The following TMEM108 variants were observed in gnomAD, a reference collection of about 807,000 sequenced individuals.
TMEM108 encodes cancer/testis antigen 124.
A neutral mutation model predicts 35.1 loss-of-function variants in TMEM108; 12 were observed. The observed-to-expected ratio is 0.34, with a 90% CI of 0.22 to 0.55. The LOEUF (loss-of-function observed/expected upper bound fraction) is 0.55. Among genes scored for constraint, TMEM108 ranks in the 20% least tolerant of loss-of-function variants. The probability of loss-of-function intolerance (pLI) is 0.89; values close to 1 mark genes in which losing one functional copy is unlikely to be tolerated. For missense variants in TMEM108, 680 were observed against 753.3 expected, an observed-to-expected ratio of 0.90 and a Z score of 1.14; for synonymous variants, 287 against 308.6, an observed-to-expected ratio of 0.93 and a Z score of 0.73.
At position 133,097,611 on chromosome 3, in the gene TMEM108, T is replaced by C. The variant is rs575655435; in HGVS notation, c.-47+51591T>C. On this transcript the variant is annotated intron_variant, in intron 2 of 5. Transcript: ENST00000321871. Reference sequence around the variant, plus strand: ...AACATTAGAAAATTATCTGTTATTATAGTAATATCTGTTATATTGACTACT... The same window carrying C: ...AACATTAGAAAATTATCTGTTATTACAGTAATATCTGTTATATTGACTACT... Among the ~76,000 whole-genome samples the C allele has an allele frequency of 1.8e-3, 275 of 152,348 alleles. 1 individual carries two copies. The highest frequency in any genetic ancestry group is 3.2e-3 in the Non-Finnish European group (216 of 68,028).
intron 1 of TMEM108, among the ~76,000 whole-genome samples, chr3:133,041,343 C>A (rs1177391357): frequency 6.6e-6 from 1 of 152,116 alleles, no homozygotes; most frequent in East Asian, 1.9e-4. Flanking sequence ...ATCTAGGCTG[C>A]CGTTCCTTCA....
At position 133,387,209 on chromosome 3, in the gene TMEM108, G is replaced by C. The variant is rs116473020; in HGVS notation, c.1451-2971G>C. The C allele has an allele frequency of 4.8e-3, 4,710 of 985,426 alleles. 103 individuals are homozygous for C. The African/African-American group carries it at 0.055, about 11-fold the overall frequency. The allele number at this position is 985,426 out of a possible 1,614,324, so 61.0% of individuals were successfully genotyped here. A position where few individuals can be genotyped will look rare whatever the true frequency, so the allele number is the denominator to read the frequency against. On this transcript the variant is annotated intron_variant, in intron 4 of 5. Transcript: ENST00000321871. ...TAATTAAGCATCCATTGTGTGTCAG[G>C]CATTGTGTTTGGCATTTTGCATCCA...
intron 4 of TMEM108, chr3:133,389,444 G>A (rs944836362): frequency 3.4e-5 from 33 of 970,564 alleles, no homozygotes; most frequent in African/African-American, 1.6e-4. Context: ...AGCACTTTAG[G>A]AGGCTGAGGC....
At chr3:133,267,416 G>A (rs1946714850) in intron 3 of TMEM108, among the ~76,000 whole-genome samples, 1 of 152,210 alleles carries the variant, frequency 6.6e-6, no homozygotes, top group African/African-American at 2.4e-5. Context: ...GGAGAAAGCA[G>A]CTAGAGAGTG....
At chr3:133,163,694 G>C (rs1944994299) in intron 2 of TMEM108, among the ~76,000 whole-genome samples, 1 of 152,184 alleles carries the variant, frequency 6.6e-6, no homozygotes, top group South Asian at 2.1e-4. Context: ...AGACTATGGA[G>C]AGAGGGAGGA....
chr3:133,187,142 T>C lies in TMEM108; in HGVS notation c.-46-42124T>C, dbSNP rs796755187. Among the ~76,000 whole-genome samples, 10 of 152,242 alleles carry C rather than the reference T, an allele frequency of 6.6e-5. No individual in the cohort carries two copies. The South Asian group carries it at 2.1e-3, about 31-fold the overall frequency. On this transcript the variant is annotated intron_variant, in intron 2 of 5. Coordinates refer to ENST00000321871, the MANE Select transcript of TMEM108 (RefSeq NM_023943.4). ...TCCTCCATATGCAGATAACGTAGAC[T>C]AGGCTTTATCTCTGAGAGCCTAAAA...
At chr3:133,178,103 C>T (rs1337158316) in intron 2 of TMEM108, among the ~76,000 whole-genome samples, 1 of 152,178 alleles carries the variant, frequency 6.6e-6, no homozygotes, top group East Asian at 1.9e-4. Flanking sequence ...ATCCACCTTC[C>T]AAGGGATGTG....
At chr3:133,180,308 AT>A (rs2107802317) in intron 2 of TMEM108, among the ~76,000 whole-genome samples, 2 of 152,290 alleles carry the variant, frequency 1.3e-5, no homozygotes, top group Non-Finnish European at 2.9e-5. Context: ...CACTGAAACA[AT>A]TTTTAATAAA....
intron 3 of TMEM108, among the ~76,000 whole-genome samples, chr3:133,314,481 C>A (rs2071172143): frequency 6.6e-6 from 1 of 152,190 alleles, no homozygotes; most frequent in African/African-American, 2.4e-5. Context: ...GATAATTTTC[C>A]TAGGAACATG....
chr3:133,174,431 A>G (rs1194859984), intron 2 of TMEM108, among the ~76,000 whole-genome samples: 1 of 152,190 alleles, frequency 6.6e-6, no homozygotes, highest in Non-Finnish European at 1.5e-5. Flanking sequence ...ACCCCCCAGT[A>G]GGGGCAGACT....
At chr3:133,073,738 T>C (rs1263719474) in intron 2 of TMEM108, among the ~76,000 whole-genome samples, 1 of 151,726 alleles carries the variant, frequency 6.6e-6, no homozygotes, top group Non-Finnish European at 1.5e-5. Flanking sequence ...ACTTCCATAC[T>C]GTTTTCCATA....
chr3:133,092,747 C>A (rs2107708137), intron 2 of TMEM108, among the ~76,000 whole-genome samples: 1 of 152,230 alleles, frequency 6.6e-6, no homozygotes, highest in African/African-American at 2.4e-5. Flanking sequence ...TATTGTGGGA[C>A]ATGTCCATAG....
In TMEM108 at chr3:133,147,176, G is replaced by A. The variant is rs576873009; in HGVS notation, c.-46-82090G>A. Among the ~76,000 whole-genome samples the A allele has an allele frequency of 2.0e-5, 3 of 152,204 alleles. No homozygotes were observed. The East Asian group carries it at 5.8e-4, about 29-fold the overall frequency. On this transcript the variant is annotated intron_variant, in intron 2 of 5. Transcript: ENST00000321871. ...TTACGTTGTGTCTTTGTTCTCATAG[G>A]TTTCAAAGAACTTATTTATTTCTGC... is the stretch of plus-strand genomic sequence containing the variant.
At chr3:133,248,387 A>G (rs1346406398) in intron 3 of TMEM108, 3 of 152,240 alleles carry the variant, frequency 2.0e-5, no homozygotes, top group East Asian at 1.9e-4. Flanking sequence ...CTCCAAGTCC[A>G]GTATATTTTC....
At chr3:133,300,642 G>C (rs1053474037) in intron 3 of TMEM108, among the ~76,000 whole-genome samples, 2 of 152,068 alleles carry the variant, frequency 1.3e-5, no homozygotes, top group African/African-American at 4.8e-5. Context: ...GGTAAGGCAG[G>C]GTAACCATGG....
intron 2 of TMEM108, among the ~76,000 whole-genome samples, chr3:133,133,393 G>A (rs1944517737): frequency 6.6e-6 from 1 of 152,166 alleles, no homozygotes; most frequent in Non-Finnish European, 1.5e-5. Context: ...TTTTAATTAA[G>A]GTATGTACTT....
In TMEM108 at chr3:133,154,054, T is replaced by A. The variant is rs150113138; in HGVS notation, c.-46-75212T>A. ...TTTTTTTTCGTTTTTTAAAAAAAAATTTTCATGTGTTTTTTGGCTGCATAA... is the reference window on the plus strand; with the variant it reads ...TTTTTTTTCGTTTTTTAAAAAAAAAATTTCATGTGTTTTTTGGCTGCATAA... On this transcript the variant is annotated intron_variant, in intron 2 of 5. Transcript: ENST00000321871. Among the ~76,000 whole-genome samples the A allele has an allele frequency of 5.1e-3, 776 of 151,864 alleles. 7 individuals carry two copies. Among genetic ancestry groups the A allele is most frequent in the African/African-American group, 0.017 (720 of 41,398 alleles).
chr3:133,258,972 T>A (rs185328566), intron 3 of TMEM108, among the ~76,000 whole-genome samples: 2 of 152,246 alleles, frequency 1.3e-5, no homozygotes, highest in African/African-American at 2.4e-5. Flanking sequence ...CAGGCCCATA[T>A]GCAATAATCC....
intron 3 of TMEM108, among the ~76,000 whole-genome samples, chr3:133,290,879 T>C (rs1350438092): frequency 6.6e-6 from 1 of 152,158 alleles, no homozygotes; most frequent in East Asian, 1.9e-4. Context: ...CTATACCTCA[T>C]TTGCAATGAG....
Sources: gnomAD v4.1 joint callset for allele counts (sites outside exome capture counted in the v4.1 genomes callset) on GRCh38, gnomAD v4.1.1 for gene constraint, MANE v1.5 for transcripts, NCBI Gene and HGNC (gene_info 2026-07-23, HGNC 2026-07-21) for gene names.